DCAF10: variants seen among roughly 807,000 people sequenced by gnomAD.
DCAF10 encodes the protein DDB1 and CUL4 associated factor 10.
Under a neutral mutation model 51.9 loss-of-function variants are expected in DCAF10, and 19 were observed. The observed-to-expected ratio is 0.37, with a 90% CI of 0.26 to 0.54. The LOEUF (loss-of-function observed/expected upper bound fraction) is 0.54. Among genes scored for constraint, DCAF10 ranks in the 20% least tolerant of loss-of-function variants. The probability of loss-of-function intolerance (pLI) is 0.87; values close to 1 mark genes in which losing one functional copy is unlikely to be tolerated. For synonymous variants in DCAF10, 291 were observed against 297.1 expected, an observed-to-expected ratio of 0.98 and a Z score of 0.21; for missense variants, 510 against 730.6, an observed-to-expected ratio of 0.70 and a Z score of 3.48.
chr9:37,820,629 A>G (rs1829674482), intron 2 of DCAF10, among the ~76,000 whole-genome samples: 1 of 152,180 alleles, frequency 6.6e-6, no homozygotes, highest in South Asian at 2.1e-4. Context: ...TTCCAGTATC[A>G]TGATTAAAAT....
At chr9:37,850,780 ATTTTAAG>A (rs1210939006) in intron 3 of DCAF10, among the ~76,000 whole-genome samples, 1 of 142,004 alleles carries the variant, frequency 7.0e-6, no homozygotes, top group African/African-American at 2.6e-5. Flanking sequence ...TTAAAAGTAG[ATTTTAAG>A]TTTTATCATC....
chr9:37,825,540 T>C (rs904221521), intron 2 of DCAF10, among the ~76,000 whole-genome samples: 1 of 151,990 alleles, frequency 6.6e-6, no homozygotes, highest in Non-Finnish European at 1.5e-5. Context: ...CATGGACACA[T>C]AGAGGGGAGC....
chr9:37,820,760 A>C, intron 2 of DCAF10, among the ~76,000 whole-genome samples: 1 of 151,304 alleles, frequency 6.6e-6, no homozygotes, highest in East Asian at 1.9e-4. Flanking sequence ...TTTTCTATTC[A>C]AAAGAAACCT....
chr9:37,830,800 A>T (rs974056803), intron 2 of DCAF10, among the ~76,000 whole-genome samples: 2 of 152,266 alleles, frequency 1.3e-5, no homozygotes, highest in Admixed American at 1.3e-4. Context: ...ATTATTTATC[A>T]ATGTTAGCCT....
At chr9:37,835,139 G>T (rs1830117957) in intron 2 of DCAF10, among the ~76,000 whole-genome samples, 1 of 152,052 alleles carries the variant, frequency 6.6e-6, no homozygotes, top group Non-Finnish European at 1.5e-5. Flanking sequence ...TTTTACTTTA[G>T]AAAGCATCAT....
intron 4 of DCAF10, 143 bp from the exon 5 acceptor site, chr9:37,857,098 T>G (rs569872280): frequency 1.9e-6 from 1 of 518,954 alleles, no homozygotes; most frequent in Non-Finnish European, 3.3e-6. Context: ...AGAGCTGTCT[T>G]GCCTTCCTCA....
intron 3 of DCAF10, among the ~76,000 whole-genome samples, chr9:37,850,377 C>A (rs922497387): frequency 6.6e-6 from 1 of 152,070 alleles, no homozygotes; most frequent in African/African-American, 2.4e-5. Context: ...ATGGAGTTAA[C>A]CTAAACGTCC....
chr9:37,816,120 A>C (rs1829521100), intron 1 of DCAF10, among the ~76,000 whole-genome samples: 1 of 146,852 alleles, frequency 6.8e-6, no homozygotes, highest in South Asian at 2.1e-4. Flanking sequence ...AAGAACATTT[A>C]TTCAAATATA....
chr9:37,837,022 G>A (rs1394759445), intron 2 of DCAF10, among the ~76,000 whole-genome samples: 2 of 152,110 alleles, frequency 1.3e-5, no homozygotes, highest in South Asian at 2.1e-4. Flanking sequence ...CAGGGTTACT[G>A]TAATGGAATT....
chr9:37,815,972 T>C (rs1829516545), intron 1 of DCAF10, among the ~76,000 whole-genome samples: 1 of 152,154 alleles, frequency 6.6e-6, no homozygotes, highest in Non-Finnish European at 1.5e-5. Flanking sequence ...TTTTAAATTT[T>C]TTGTAGAGAC....
rs905738063 is a variant in DCAF10, at chr9:37,849,593, T to G, written c.852-5187T>G. Among the ~76,000 whole-genome samples the G allele has an allele frequency of 3.3e-5, 5 of 151,954 alleles. No individual in the cohort carries two copies. In the South Asian group the frequency reaches 1.0e-3, roughly 32 times the overall value. ...TGAGACCTCATCTCTAAAAAAATTT[T>G]AAAACATGGCCAGGCACGGTGGCTC... is the stretch of plus-strand genomic sequence containing the variant. On this transcript the variant is annotated intron_variant, in intron 3 of 6. Coordinates refer to ENST00000377724, the MANE Select transcript of DCAF10 (RefSeq NM_024345.5).
chr9:37,823,654 A>G (rs1245981034), intron 2 of DCAF10, among the ~76,000 whole-genome samples: 1 of 152,118 alleles, frequency 6.6e-6, no homozygotes, highest in African/African-American at 2.4e-5. Flanking sequence ...GCACTATCCA[A>G]TAAAAATGTA....
chr9:37,821,396 G>T (rs2117853622), intron 2 of DCAF10, among the ~76,000 whole-genome samples: 1 of 152,252 alleles, frequency 6.6e-6, no homozygotes, highest in East Asian at 1.9e-4. Flanking sequence ...AAAAGAGATT[G>T]AACAAGAAGA....
chr9:37,808,271 T>C (rs1829184854), intron 1 of DCAF10, among the ~76,000 whole-genome samples: 1 of 151,120 alleles, frequency 6.6e-6, no homozygotes, highest in African/African-American at 2.4e-5. Context: ...TAGCCAGTTG[T>C]GGGGCTCATG....
upstream of DCAF10, chr9:37,800,775 G>A: frequency 6.6e-7 from 1 of 1,521,980 alleles, no homozygotes; most frequent in Non-Finnish European, 8.8e-7. Context: ...GTGGGGTTAG[G>A]CCGCTGCACG....
chr9:37,800,746 C>G (rs1828892148), upstream of DCAF10: 2 of 1,533,344 alleles, frequency 1.3e-6, no homozygotes, highest in South Asian at 2.4e-5. Flanking sequence ...GGCCGAGGGG[C>G]GGCGCGGGTT....
At chr9:37,828,740 GGGCATTATGAACCAGTGC>G (rs1829925117) in intron 2 of DCAF10, among the ~76,000 whole-genome samples, 1 of 152,062 alleles carries the variant, frequency 6.6e-6, no homozygotes, top group African/African-American at 2.4e-5. Context: ...ATGATAGCAG[GGGCATTATGAACCAGTGC>G]GGGGTGGAAA....
At chr9:37,855,035 G>A in intron 4 of DCAF10, 53 bp downstream of exon 4, 1 of 1,500,238 alleles carries the variant, frequency 6.7e-7, no homozygotes, top group South Asian at 1.3e-5. Flanking sequence ...CTCAAACATA[G>A]AGATGGTATA....
At chr9:37,800,692 C>G (rs1267500250), upstream of DCAF10, 12 of 1,535,928 alleles carry the variant, frequency 7.8e-6, no homozygotes, top group Non-Finnish European at 1.0e-5. Flanking sequence ...TGCGGCGCCC[C>G]AAACCCGGCG....
Sources: allele counts gnomAD v4.1 joint callset (sites outside exome capture counted in the v4.1 genomes callset), GRCh38; gene constraint gnomAD v4.1.1; transcripts MANE v1.5; gene names NCBI Gene and HGNC (gene_info 2026-07-23, HGNC 2026-07-21).